Variants in YEATS2 observed in about 807,000 individuals in gnomAD.
The protein encoded by YEATS2 is YEATS domain-containing protein 2.
A neutral mutation model predicts 163.2 loss-of-function variants in YEATS2; 77 were observed. The ratio of observed to expected loss-of-function variants is 0.47; its 90% CI spans 0.39 to 0.57. YEATS2 has a LOEUF of 0.57. Among genes scored for constraint, YEATS2 ranks in the 20% least tolerant of loss-of-function variants. The pLI is 0.00. For synonymous variants in YEATS2, 631 were observed against 645.1 expected, an observed-to-expected ratio of 0.98 and a Z score of 0.33; for missense variants, 1,549 against 1,729.8, an observed-to-expected ratio of 0.90 and a Z score of 1.85.
intron 20 of YEATS2, 113 bp downstream of exon 20, chr3:183,786,414 C>CTTTT (rs35962571): frequency 4.1e-5 from 34 of 828,170 alleles, no homozygotes; most frequent in Admixed American, 9.8e-5. Context: ...TCAACTATTG[C>CTTTT]TTTTTTTTTT....
intron 19 of YEATS2, among the ~76,000 whole-genome samples, chr3:183,778,843 A>G (rs972384035): frequency 1.3e-5 from 2 of 152,164 alleles, no homozygotes; most frequent in African/African-American, 4.8e-5. Flanking sequence ...TGTAAAAGCC[A>G]TATTAGCCTG....
chr3:183,776,440 A>T (rs1371819031), intron 18 of YEATS2, among the ~76,000 whole-genome samples: 1 of 151,762 alleles, frequency 6.6e-6, no homozygotes, highest in Non-Finnish European at 1.5e-5. Context: ...GCTACTCCGA[A>T]GGTTGAGGTG....
intron 7 of YEATS2, among the ~76,000 whole-genome samples, chr3:183,732,821 A>G (rs1042329512): frequency 3.3e-5 from 5 of 152,108 alleles, no homozygotes; most frequent in Non-Finnish European, 5.9e-5. Context: ...GGCCTCCCAA[A>G]GTGCTGGGAT....
chr3:183,746,800 CCT>C (rs1173610079), intron 8 of YEATS2, among the ~76,000 whole-genome samples: 1 of 151,922 alleles, frequency 6.6e-6, no homozygotes, highest in Non-Finnish European at 1.5e-5. Flanking sequence ...ACTGAGTTGT[CCT>C]CTCTATGTTG....
chr3:183,702,833 C>CTCAA (rs369429226), intron 1 of YEATS2, among the ~76,000 whole-genome samples: 3 of 140,346 alleles, frequency 2.1e-5, no homozygotes, highest in Admixed American at 7.1e-5. Context: ...CTCTCTCTCT[C>CTCAA]AAAAAAAAAA....
rs1022885473 is a variant in YEATS2 at position 183,750,828 on chromosome 3, A to T, written c.970-1245A>T. 1.8e-4 allele frequency among the ~76,000 whole-genome samples: 28 copies of T among 152,166 alleles called. 3 individuals carry two copies. The highest frequency in any genetic ancestry group is 1.3e-3 in the Admixed American group (20 of 15,268). On this transcript the variant is annotated intron_variant, in intron 9 of 30. Coordinates refer to ENST00000305135, the MANE Select transcript of YEATS2 (RefSeq NM_018023.5). Reference sequence around the variant, plus strand: ...TGTTGCTAAGTGACAGGAGTTATTCATATATTCTGGATAGTAACCCCTTAC... The same window carrying T: ...TGTTGCTAAGTGACAGGAGTTATTCTTATATTCTGGATAGTAACCCCTTAC...
intron 21 of YEATS2, 75 bp from the exon 22 acceptor site, chr3:183,797,848 G>A (rs907506733): frequency 2.5e-5 from 40 of 1,585,198 alleles, no homozygotes; most frequent in Non-Finnish European, 2.9e-5. Context: ...GACAAAATAT[G>A]GGTAGCACAG....
intron 19 of YEATS2, among the ~76,000 whole-genome samples, chr3:183,784,613 A>C (rs1723876702): frequency 6.6e-6 from 1 of 152,016 alleles, no homozygotes; most frequent in African/African-American, 2.4e-5. Flanking sequence ...ATTAGGTCCC[A>C]CTTGGTTTTC....
At chr3:183,761,719 A>AGAATGAGGAGTTGAG in intron 14 of YEATS2, 105 bp downstream of exon 14, 1 of 1,049,388 alleles carries the variant, frequency 9.5e-7, no homozygotes, top group Non-Finnish European at 1.5e-6. Context: ...AGTGGGTCTC[A>AGAATGAGGAGTTGAG]ACTCCTCATT....
chr3:183,808,074 T>C lies in YEATS2; in HGVS notation c.4056T>C (p.Tyr1352=), dbSNP rs760929987. 68 of 1,559,664 alleles carry C rather than the reference T, an allele frequency of 4.4e-5. No homozygotes were observed. The highest frequency in any genetic ancestry group is 1.5e-4 in the Admixed American group (8 of 52,132). ...LQPVALHRNV[Y]ASVVEDMILK... ...CCGTGGCACTCCACAGGAACGTGTA[T>C]GCGTCCGTGGTGGAGGACATGATCC... The change falls in exon 29 of 31, where the codon TAT becomes TAC. Residue 1352 remains tyrosine, a synonymous_variant. Coordinates refer to ENST00000305135, the MANE Select transcript of YEATS2 (RefSeq NM_018023.5).
chr3:183,810,423 A>G (rs373420234), intron 30 of YEATS2, 52 bp from the exon 31 acceptor site: 14 of 1,480,338 alleles, frequency 9.5e-6, no homozygotes, highest in Admixed American at 1.7e-5. Context: ...ATAAATGATG[A>G]GATATACGTG....
At chr3:183,775,369 G>A (rs980976238) in intron 17 of YEATS2, among the ~76,000 whole-genome samples, 3 of 152,196 alleles carry the variant, frequency 2.0e-5, no homozygotes, top group South Asian at 4.1e-4. Context: ...GGGCCAAGGC[G>A]GGCGGATCAT....
At chr3:183,756,371 G>C (rs1241808825) in intron 11 of YEATS2, among the ~76,000 whole-genome samples, 157 bp from the exon 12 acceptor site, 2 of 152,142 alleles carry the variant, frequency 1.3e-5, no homozygotes, top group Non-Finnish European at 2.9e-5. Flanking sequence ...TTGTACCTCT[G>C]TTGCTGCTCA....
chr3:183,778,077 A>G (rs530299338), intron 19 of YEATS2, among the ~76,000 whole-genome samples: 6 of 147,962 alleles, frequency 4.1e-5, no homozygotes, highest in Admixed American at 2.8e-4. Context: ...GTGCCATTGC[A>G]CTCCATCCTG....
intron 1 of YEATS2, among the ~76,000 whole-genome samples, chr3:183,700,922 G>T (rs1300171780): frequency 6.6e-6 from 1 of 151,914 alleles, no homozygotes; most frequent in Non-Finnish European, 1.5e-5. Flanking sequence ...TGACAATTAA[G>T]AGGTAAGTGG....
intron 25 of YEATS2, chr3:183,801,808 T>G (rs1323482208): frequency 7.1e-6 from 2 of 283,302 alleles, no homozygotes; most frequent in Non-Finnish European, 1.3e-5. Context: ...GTATTAGCAT[T>G]TGGTGTTTAT....
chr3:183,793,193 C>T (rs1033752936), intron 21 of YEATS2: 12 of 1,280,592 alleles, frequency 9.4e-6, no homozygotes, highest in South Asian at 5.0e-5. Flanking sequence ...CACACACTCA[C>T]GCATGCAGAC....
In YEATS2 at chr3:183,717,644, T is replaced by G. The variant is rs1345066282; in HGVS notation, c.101-7T>G. On this transcript the variant is annotated splice_polypyrimidine_tract_variant and splice_region_variant and intron_variant, in intron 2 of 30. Transcript: ENST00000305135. ...GGCCTTGGATGTATTTTATGTTCTT[T>G]GTACAGCTCGAGATGCTGCTGTGCA... The G allele has an allele frequency of 1.3e-6, 2 of 1,554,058 alleles. No individual in the cohort carries two copies. The highest frequency in any genetic ancestry group is 2.8e-5 in the African/African-American group (2 of 70,978).
chr3:183,729,304 C>G (rs1717464969), intron 7 of YEATS2, among the ~76,000 whole-genome samples: 1 of 151,960 alleles, frequency 6.6e-6, no homozygotes, highest in African/African-American at 2.4e-5. Flanking sequence ...GTAGTTCACT[C>G]TCTCAGATTA....
Sources: gnomAD v4.1 joint callset for allele counts (sites outside exome capture counted in the v4.1 genomes callset) on GRCh38, gnomAD v4.1.1 for gene constraint, MANE v1.5 for transcripts, NCBI Gene and HGNC (gene_info 2026-07-23, HGNC 2026-07-21) for gene names.